HTR4: variants seen among roughly 807,000 people sequenced by gnomAD.
HTR4 encodes the protein 5-hydroxytryptamine (serotonin) receptor 4, G protein-coupled.
Under a neutral mutation model 36.8 loss-of-function variants are expected in HTR4, and 16 were observed. That is an observed-to-expected ratio of 0.43 (90% CI 0.29 to 0.66). The LOEUF is 0.66. Among genes scored for constraint, HTR4 ranks in the 30% least tolerant of loss-of-function variants. HTR4 has a pLI of 0.13. For missense variants in HTR4, 438 were observed against 490.9 expected (o/e 0.89, Z 1.02); for synonymous variants, 189 against 185.1 (o/e 1.02, Z -0.17).
chr5:148,573,679 A>C (rs927268982), intron 2 of HTR4, among the ~76,000 whole-genome samples: 2 of 152,038 alleles, frequency 1.3e-5, no homozygotes, highest in Non-Finnish European at 1.5e-5. Flanking sequence ...TGGCATGAGC[A>C]GTGGTTGACC....
intron 6 of HTR4, among the ~76,000 whole-genome samples, chr5:148,492,381 G>A (rs1418470798): frequency 6.6e-6 from 1 of 152,200 alleles, no homozygotes; most frequent in African/African-American, 2.4e-5. Context: ...AACAAGTCTT[G>A]TCTCATGTTG....
At chr5:148,513,760 C>T (rs917538583) in intron 5 of HTR4, among the ~76,000 whole-genome samples, 1 of 151,946 alleles carries the variant, frequency 6.6e-6, no homozygotes, top group African/African-American at 2.4e-5. Flanking sequence ...ATGGTAATTC[C>T]TTCCCTTTGT....
chr5:148,637,029 A>C lies in HTR4; in HGVS notation c.-15T>G. ...AGTTTGTCCATTACAGGAAATAAGC[A>C]TGAGTGAGTTGGATTTCAATGCCCA... On this transcript the variant is annotated 5_prime_UTR_variant, in exon 2 of 7. It removes an upstream start codon present in the reference 5' UTR. Transcript: ENST00000377888. 1.2e-6 allele frequency: 2 copies of C among 1,611,112 alleles called. No homozygotes were observed. Among genetic ancestry groups the C allele is most frequent in the Non-Finnish European group, 1.7e-6 (2 of 1,177,574 alleles).
chr5:148,653,929 C>A, intron 1 of HTR4, 133 bp downstream of exon 1: 2 of 471,186 alleles, frequency 4.2e-6, no homozygotes, highest in African/African-American at 2.1e-5. Flanking sequence ...GCCCACCCTG[C>A]CGCAAAGCCG....
intron 2 of HTR4, among the ~76,000 whole-genome samples, chr5:148,614,067 G>T (rs1752557414): frequency 6.6e-6 from 1 of 151,982 alleles, no homozygotes; most frequent in East Asian, 1.9e-4. Flanking sequence ...CTATGCTCAT[G>T]GGTAGGAAGA....
At chr5:148,549,340 G>C (rs528125407) in intron 3 of HTR4, among the ~76,000 whole-genome samples, 1 of 152,278 alleles carries the variant, frequency 6.6e-6, no homozygotes, top group South Asian at 2.1e-4. Flanking sequence ...TAGCAGACTG[G>C]CTACTGTGTA....
downstream of HTR4, chr5:148,476,742 A>G (rs919369832): frequency 6.2e-7 from 1 of 1,613,656 alleles, no homozygotes; most frequent in Non-Finnish European, 8.5e-7. Flanking sequence ...AAGGAGCTCA[A>G]AATCTGGTAG....
chr5:148,464,623 C>T (rs1032536360), intron 5 of HTR4, among the ~76,000 whole-genome samples: 1 of 152,142 alleles, frequency 6.6e-6, no homozygotes, highest in African/African-American at 2.4e-5. Flanking sequence ...GTAATTCATA[C>T]AAAATTGGTT....
intron 4 of HTR4, among the ~76,000 whole-genome samples, chr5:148,543,096 C>T (rs900088073): frequency 6.6e-6 from 1 of 152,114 alleles, no homozygotes; most frequent in African/African-American, 2.4e-5. Context: ...GGTTTCTCTT[C>T]CTATGGACTC....
intron 6 of HTR4, among the ~76,000 whole-genome samples, chr5:148,506,909 C>G (rs1430847694): frequency 2.6e-5 from 4 of 152,164 alleles, no homozygotes; most frequent in Admixed American, 6.6e-5. Flanking sequence ...AATAGGAACA[C>G]TTTTACACTG....
intron 4 of HTR4, among the ~76,000 whole-genome samples, chr5:148,528,303 T>C (rs1235109146): frequency 6.6e-6 from 1 of 152,186 alleles, no homozygotes; most frequent in Non-Finnish European, 1.5e-5. Context: ...TAAACATAAT[T>C]TGATTTTTGA....
downstream of HTR4, among the ~76,000 whole-genome samples, chr5:148,477,222 G>C (rs971284464): frequency 6.6e-6 from 1 of 152,208 alleles, no homozygotes; most frequent in African/African-American, 2.4e-5. Context: ...TACATAGCCA[G>C]ATTGATTTCC....
intron 2 of HTR4, among the ~76,000 whole-genome samples, chr5:148,613,532 A>T (rs1191784115): frequency 6.6e-6 from 1 of 151,020 alleles, no homozygotes; most frequent in Non-Finnish European, 1.5e-5. Context: ...GATGTATCTC[A>T]AAATAATAAG....
intron 2 of HTR4, among the ~76,000 whole-genome samples, chr5:148,573,833 G>A (rs184443319): frequency 6.6e-6 from 1 of 151,738 alleles, no homozygotes; most frequent in Non-Finnish European, 1.5e-5. Context: ...AGGAGTGCAG[G>A]TTAATGACAC....
At chr5:148,561,055 T>C (rs995132376) in intron 2 of HTR4, among the ~76,000 whole-genome samples, 1 of 152,176 alleles carries the variant, frequency 6.6e-6, no homozygotes, top group Non-Finnish European at 1.5e-5. Context: ...ATAATTTTAT[T>C]TGATTTTTTT....
intron 5 of HTR4, among the ~76,000 whole-genome samples, chr5:148,457,563 G>C (rs1333653928): frequency 6.6e-6 from 1 of 151,114 alleles, no homozygotes; most frequent in African/African-American, 2.4e-5. Flanking sequence ...TCTCCTGCAA[G>C]GCAGTGTTCA....
chr5:148,491,192 A>G (rs908301308), intron 6 of HTR4, among the ~76,000 whole-genome samples: 1 of 152,182 alleles, frequency 6.6e-6, no homozygotes, highest in Non-Finnish European at 1.5e-5. Flanking sequence ...ACATGCTGTA[A>G]GAGAACAAGC....
chr5:148,458,584 C>T (rs1218762369), intron 5 of HTR4, among the ~76,000 whole-genome samples: 2 of 152,012 alleles, frequency 1.3e-5, no homozygotes, highest in African/African-American at 4.8e-5. Flanking sequence ...GGTTCTGTCA[C>T]TGAGGAAGCG....
chr5:148,453,874 G>A (rs541573000), intron 5 of HTR4, among the ~76,000 whole-genome samples: 2 of 152,290 alleles, frequency 1.3e-5, no homozygotes, highest in Admixed American at 1.3e-4. Flanking sequence ...CAATAATCCA[G>A]GTGAGAGAAG....
Sources: allele counts gnomAD v4.1 joint callset (sites outside exome capture counted in the v4.1 genomes callset), GRCh38; gene constraint gnomAD v4.1.1; transcripts MANE v1.5; gene names NCBI Gene and HGNC (gene_info 2026-07-23, HGNC 2026-07-21).